The following KLK15 variants were observed in gnomAD, a reference collection of about 807,000 sequenced individuals.
The protein encoded by KLK15 is kallikrein related peptidase 15.
KLK15 carries 19 observed loss-of-function variants against 21.1 expected under a neutral mutation model. The observed-to-expected ratio is 0.90, with a 90% CI of 0.63 to 1.32. The LOEUF is 1.32. Among genes scored for constraint, KLK15 ranks in the 40% most tolerant of loss-of-function variants. The pLI is 0.00. For missense variants in KLK15, 345 were observed against 348.6 expected (o/e 0.99, Z 0.08); for synonymous variants, 141 against 141.5 (o/e 1.00, Z 0.03).
At chr19:50,832,073 G>A (rs761656620), upstream of KLK15, among the ~76,000 whole-genome samples, 260 of 151,388 alleles carry the variant, frequency 1.7e-3, no homozygotes, top group Admixed American at 4.7e-3. Context: ...CACCCACCTC[G>A]GCCTCCCAAA....
chr19:50,827,391 T>C (rs1041705808), intron 2 of KLK15, among the ~76,000 whole-genome samples: 2 of 151,638 alleles, frequency 1.3e-5, no homozygotes, highest in African/African-American at 4.8e-5. Context: ...CCCCTCCAAC[T>C]ACTCCCAGCC....
chr19:50,829,367 C>G (rs1365261226), intron 1 of KLK15, among the ~76,000 whole-genome samples: 1 of 151,690 alleles, frequency 6.6e-6, no homozygotes, highest in Non-Finnish European at 1.5e-5. Flanking sequence ...CTGGTAGCTA[C>G]TTAATAATAT....
chr19:50,829,882 T>C (rs2089952694), intron 1 of KLK15, among the ~76,000 whole-genome samples: 2 of 151,378 alleles, frequency 1.3e-5, no homozygotes, highest in Non-Finnish European at 3.0e-5. Context: ...AGACATTTTG[T>C]AGAGTTAGAG....
chr19:50,827,671 C>A, exon 2 of KLK15: 1 of 1,610,766 alleles, frequency 6.2e-7, no homozygotes, highest in Non-Finnish European at 8.5e-7. Flanking sequence ...CCGGCTTTGG[C>A]AGTGGGCCGC....
intron 1 of KLK15, chr19:50,831,038 A>G (rs140557997): frequency 2.9e-3 from 448 of 156,948 alleles, no homozygotes; most frequent in Middle Eastern, 0.02. Flanking sequence ...GCACTTGTCT[A>G]ATGCTTGCTA....
At chr19:50,832,177 C>G (rs533577868), upstream of KLK15, among the ~76,000 whole-genome samples, 10 of 151,822 alleles carry the variant, frequency 6.6e-5, 1 homozygote, top group South Asian at 2.1e-3. Context: ...TCCCCTCCAC[C>G]AGCTTGCCCT....
At chr19:50,832,325 T>C (rs9989706), upstream of KLK15, among the ~76,000 whole-genome samples, 303 of 135,956 alleles carry the variant, frequency 2.2e-3, 2 homozygotes, top group African/African-American at 8.6e-3. Flanking sequence ...TTTTTTTCTT[T>C]TTTTTTTTTT....
In KLK15 at chr19:50,827,951, TTG is replaced by T. The variant is rs372229421; in HGVS notation, c.44-138_44-137del. The T allele has an allele frequency of 5.0e-4, 402 of 799,478 alleles. 7 individuals carry two copies. Among genetic ancestry groups the T allele is most frequent in the South Asian group, 3.2e-3 (177 of 54,946 alleles). 49.5% of individuals were successfully genotyped at this position (799,478 alleles called of 1,614,324 possible). Reference sequence around the variant, plus strand: ...TCAAGACACCCTGCCCTGTTTTTGTTTGTTGTTGTTGTTGTTTTTGAGACGGA... The same window carrying T: ...TCAAGACACCCTGCCCTGTTTTTGTTTTGTTGTTGTTGTTTTTGAGACGGA... On this transcript the variant is annotated intron_variant, in intron 1 of 4. Transcript: ENST00000598239.
chr19:50,827,265 C>T lies in KLK15; in HGVS notation c.198-104G>A, dbSNP rs2089902406. On this transcript the variant is annotated intron_variant, in intron 2 of 4. Transcript: ENST00000598239. ...AGTGGGCAACCCGAGGTCTCCCGAC[C>T]CTTTAGAAATCTCGACATCCCATTA... 8.9e-6 allele frequency: 10 copies of T among 1,128,420 alleles called. No homozygotes were observed. The South Asian group carries it at 1.2e-4, about 14-fold the overall frequency. The allele number at this position is 1,128,420 out of a possible 1,614,324, so 69.9% of individuals were successfully genotyped here.
exon 2 of KLK15, chr19:50,827,708 G>T: frequency 1.9e-6 from 3 of 1,611,268 alleles, no homozygotes; most frequent in Middle Eastern, 1.7e-4. Flanking sequence ...GGGGAGATGA[G>T]GGAAGCGCCA....
chr19:50,826,766 G>T lies in KLK15; in HGVS notation c.482-9C>A. 6.2e-7 allele frequency: 1 copy of T among 1,608,182 alleles called. No homozygotes were observed. The highest frequency in any genetic ancestry group is 8.5e-7 in the Non-Finnish European group (1 of 1,177,422). Reference sequence around the variant, plus strand: ...CGTATCTGGGAGACTCACTGGGGAAGACAGTGGACTTGGAGCAGATCCATA... The same window carrying T: ...CGTATCTGGGAGACTCACTGGGGAATACAGTGGACTTGGAGCAGATCCATA... On this transcript the variant is annotated splice_polypyrimidine_tract_variant and intron_variant, in intron 3 of 4. Transcript: ENST00000598239.
intron 1 of KLK15, among the ~76,000 whole-genome samples, chr19:50,830,132 C>T (rs2089956241): frequency 6.7e-6 from 1 of 149,580 alleles, no homozygotes; most frequent in Non-Finnish European, 1.5e-5. Context: ...ACATACAGGG[C>T]CTTGTATACC....
chr19:50,826,961 T>G (rs774965132), exon 3 of KLK15: 2 of 1,605,376 alleles, frequency 1.2e-6, no homozygotes, highest in South Asian at 1.1e-5. Flanking sequence ...CTCCCCCGGG[T>G]GGGGGCAACG....
chr19:50,826,189 A>G (rs2089876454), intron 4 of KLK15: 1 of 507,212 alleles, frequency 2.0e-6, no homozygotes, highest in Non-Finnish European at 3.5e-6. Flanking sequence ...CCCCCATGCA[A>G]CTCCAGTGCA....
At chr19:50,830,570 T>G (rs1476824311) in intron 1 of KLK15, 4 of 145,064 alleles carry the variant, frequency 2.8e-5, no homozygotes, top group African/African-American at 9.9e-5. Context: ...GGCAGGTAGG[T>G]GAGTGCACAG....
chr19:50,831,293 G>A (rs975349093), intron 1 of KLK15, 157 bp downstream of exon 2: 6 of 490,146 alleles, frequency 1.2e-5, no homozygotes, highest in Non-Finnish European at 2.0e-5. Context: ...AGCACCTGAC[G>A]GTAAGGGCTT....
Position 50,825,978 on chromosome 19 carries a change from A to G in KLK15, c.619-30T>C, listed in dbSNP as rs3212809. ...GGGGAAAAGAGGGGGTCTCAGGTTG[A>G]GTGAAACCTCCTGGATTCATCCTCA... is the stretch of plus-strand genomic sequence containing the variant. On this transcript the variant is annotated intron_variant, in intron 4 of 4. Transcript: ENST00000598239. The G allele has an allele frequency of 1.6e-3, 2,533 of 1,597,944 alleles. 42 individuals carry two copies. In the African/African-American group the frequency reaches 0.029, roughly 18 times the overall value.
At chr19:50,832,544 AAC>A (rs201710201), upstream of KLK15, among the ~76,000 whole-genome samples, 71,922 of 148,562 alleles carry the variant, frequency 0.48, 17,164 homozygotes, top group East Asian at 0.57. Context: ...GCTGGTCTTG[AAC>A]TCCTGACCTC....
intron 1 of KLK15, 142 bp downstream of exon 2, chr19:50,831,308 A>C (rs931393224): frequency 3.5e-6 from 2 of 573,268 alleles, no homozygotes; most frequent in Non-Finnish European, 5.6e-6. Context: ...GGGCTTAGGG[A>C]CATTGGCACA....
Sources: allele counts gnomAD v4.1 joint callset (sites outside exome capture counted in the v4.1 genomes callset), GRCh38; gene constraint gnomAD v4.1.1; transcripts MANE v1.5; gene names NCBI Gene and HGNC (gene_info 2026-07-23, HGNC 2026-07-21).